Variants in BNC2 observed in about 807,000 individuals in gnomAD.
The protein encoded by BNC2 is basonuclin zinc finger protein 2.
Under a neutral mutation model 76.3 loss-of-function variants are expected in BNC2, and 20 were observed. The ratio of observed to expected loss-of-function variants is 0.26; its 90% CI spans 0.18 to 0.38. The LOEUF (loss-of-function observed/expected upper bound fraction) is 0.38. Among genes scored for constraint, BNC2 ranks in the 10% least tolerant of loss-of-function variants. The pLI is 1.00. For missense variants in BNC2, 1,382 were observed against 1,399.8 expected (o/e 0.99, Z 0.20); for synonymous variants, 582 against 514.8 (o/e 1.13, Z -1.77).
intron 5 of BNC2, among the ~76,000 whole-genome samples, chr9:16,548,641 G>C (rs1371343819): frequency 6.6e-6 from 1 of 152,176 alleles, no homozygotes; most frequent in African/African-American, 2.4e-5. Context: ...CTGACCTCAA[G>C]TGATCTGCCC....
intron 1 of BNC2, among the ~76,000 whole-genome samples, chr9:16,862,330 T>C (rs1476837448): frequency 6.6e-6 from 1 of 152,206 alleles, no homozygotes; most frequent in Non-Finnish European, 1.5e-5. Flanking sequence ...ACATTTTAAG[T>C]GGGTGAGTTA....
chr9:16,760,246 T>C (rs1019251810), intron 1 of BNC2, among the ~76,000 whole-genome samples: 31 of 152,240 alleles, frequency 2.0e-4, no homozygotes, highest in Admixed American at 1.6e-3. Context: ...TTTTTCAAAA[T>C]ACCACTGCTG....
At position 16,515,749 on chromosome 9, in the gene BNC2, A is replaced by G. The variant is rs1053295599; in HGVS notation, c.669+36781T>C. On this transcript the variant is annotated intron_variant, in intron 5 of 6. Transcript: ENST00000380672. ...AAAAAAAATTTAAAAAAAACCTCTG[A>G]AAAAAAAAATCAAGCTTGACATTCT... Among the ~76,000 whole-genome samples the G allele has an allele frequency of 2.5e-4, 34 of 135,820 alleles. 1 individual carries two copies. Among genetic ancestry groups the G allele is most frequent in the African/African-American group, 3.4e-5 (1 of 29,746 alleles). The allele number at this position is 135,820 out of a possible 152,430, so 89.1% of individuals were successfully genotyped here.
At chr9:16,752,577 G>T (rs1425665745) in intron 1 of BNC2, among the ~76,000 whole-genome samples, 1 of 152,044 alleles carries the variant, frequency 6.6e-6, no homozygotes, top group East Asian at 1.9e-4. Flanking sequence ...AAATTACTTG[G>T]CAATCACACA....
intron 3 of BNC2, among the ~76,000 whole-genome samples, chr9:16,599,044 A>C (rs1006541347): frequency 3.6e-4 from 55 of 152,354 alleles, no homozygotes; most frequent in African/African-American, 1.2e-3. Context: ...ACCCATATAA[A>C]AACAACTGAA....
At chr9:16,727,520 C>T (rs1824374707) in intron 3 of BNC2, 3 of 406,184 alleles carry the variant, frequency 7.4e-6, no homozygotes, top group South Asian at 4.3e-5. Flanking sequence ...TAAGTCTTCC[C>T]CTGACCCAGA....
intron 1 of BNC2, among the ~76,000 whole-genome samples, chr9:16,759,610 A>G (rs573460056): frequency 6.6e-6 from 1 of 152,340 alleles, no homozygotes; most frequent in African/African-American, 2.4e-5. Flanking sequence ...CCATTTATAT[A>G]TAATTCCATT....
intron 5 of BNC2, among the ~76,000 whole-genome samples, chr9:16,508,342 C>T (rs1822677702): frequency 6.6e-6 from 1 of 152,130 alleles, no homozygotes. Flanking sequence ...GAATTCTTGC[C>T]ACATACTTGG....
At chr9:16,704,922 G>C (rs1198818149) in intron 3 of BNC2, 1 of 152,274 alleles carries the variant, frequency 6.6e-6, no homozygotes, top group Non-Finnish European at 1.5e-5. Flanking sequence ...CTCCTTTCTG[G>C]CGCACTCCTC....
intron 3 of BNC2, among the ~76,000 whole-genome samples, chr9:16,705,693 A>G (rs1235453011): frequency 6.6e-6 from 1 of 151,420 alleles, no homozygotes; most frequent in East Asian, 1.9e-4. Context: ...TGGACTTTTT[A>G]AAAAACAAAC....
chr9:16,635,137 G>T (rs2133788183), intron 3 of BNC2, among the ~76,000 whole-genome samples: 1 of 152,262 alleles, frequency 6.6e-6, no homozygotes, highest in East Asian at 1.9e-4. Context: ...CAATTTGTCT[G>T]TTCAGGTATT....
At chr9:16,691,504 CTTTTT>C (rs71327842) in intron 3 of BNC2, among the ~76,000 whole-genome samples, 61,840 of 113,260 alleles carry the variant, frequency 0.55, 16,222 homozygotes, top group Non-Finnish European at 0.67. Flanking sequence ...GGTATGGGTT[CTTTTT>C]TTTTTTTTTT....
intron 1 of BNC2, among the ~76,000 whole-genome samples, chr9:16,840,825 A>C (rs1818806364): frequency 6.6e-6 from 1 of 152,232 alleles, no homozygotes; most frequent in South Asian, 2.1e-4. Flanking sequence ...AAGGGTTACC[A>C]CATGTATGCA....
At chr9:16,720,993 C>T (rs780722782) in intron 3 of BNC2, among the ~76,000 whole-genome samples, 28 of 152,306 alleles carry the variant, frequency 1.8e-4, no homozygotes, top group East Asian at 3.9e-4. Context: ...CTACAGGGAA[C>T]GCACAAATTA....
intron 5 of BNC2, 58 bp from the exon 6 acceptor site, chr9:16,437,582 T>C (rs1170175803): frequency 2.8e-5 from 45 of 1,579,510 alleles, no homozygotes; most frequent in Non-Finnish European, 3.4e-5. Flanking sequence ...TGATTGTGCA[T>C]AATTATTCAA....
chr9:16,847,558 CAATCAGGAATAGAACATT>C (rs1412921968), intron 1 of BNC2, among the ~76,000 whole-genome samples: 2 of 151,956 alleles, frequency 1.3e-5, no homozygotes, highest in African/African-American at 2.4e-5. Flanking sequence ...ACAGGTTTTT[CAATCAGGAATAGAACATT>C]AAATTCTAAG....
intron 1 of BNC2, among the ~76,000 whole-genome samples, chr9:16,740,397 T>C (rs1344735096): frequency 6.6e-6 from 1 of 152,238 alleles, no homozygotes; most frequent in African/African-American, 2.4e-5. Context: ...GATGTGTTTG[T>C]ACATTATTAG....
intron 1 of BNC2, among the ~76,000 whole-genome samples, chr9:16,827,413 T>C (rs1221144793): frequency 1.3e-5 from 2 of 152,192 alleles, no homozygotes; most frequent in African/African-American, 4.8e-5. Flanking sequence ...AACAGGAATT[T>C]GACTGAGAGT....
chr9:16,454,282 C>T (rs1489801112), intron 5 of BNC2, among the ~76,000 whole-genome samples: 1 of 152,052 alleles, frequency 6.6e-6, no homozygotes, highest in African/African-American at 2.4e-5. Context: ...GGTACTAAAA[C>T]CATCACATTT....
Sources: allele counts gnomAD v4.1 joint callset (sites outside exome capture counted in the v4.1 genomes callset), GRCh38; gene constraint gnomAD v4.1.1; transcripts MANE v1.5; gene names NCBI Gene and HGNC (gene_info 2026-07-23, HGNC 2026-07-21).